KCNJ6: variants seen among roughly 807,000 people sequenced by gnomAD.
KCNJ6 encodes G protein-activated inward rectifier potassium channel 2.
Under a neutral mutation model 34.2 loss-of-function variants are expected in KCNJ6, and 9 were observed. The ratio of observed to expected loss-of-function variants is 0.26; its 90% CI spans 0.16 to 0.46. The LOEUF is 0.46. KCNJ6 is among the 20% of genes least tolerant of loss of function. The pLI is 1.00. For missense variants in KCNJ6, 236 were observed against 531.3 expected (o/e 0.44, Z 5.46); for synonymous variants, 196 against 207.1 (o/e 0.95, Z 0.46).
intron 1 of KCNJ6, among the ~76,000 whole-genome samples, chr21:37,878,217 G>A (rs2055688739): frequency 6.6e-6 from 1 of 151,850 alleles, no homozygotes; most frequent in Admixed American, 6.6e-5. Context: ...TCCTGAGCAT[G>A]GAGTTGTAAT....
At chr21:37,865,171 G>A (rs1342771058) in intron 1 of KCNJ6, among the ~76,000 whole-genome samples, 5 of 152,134 alleles carry the variant, frequency 3.3e-5, no homozygotes, top group Non-Finnish European at 5.9e-5. Flanking sequence ...AAAGCTGGAG[G>A]CCCTATTGAT....
chr21:37,881,439 T>C (rs1601515087), intron 1 of KCNJ6, among the ~76,000 whole-genome samples: 1 of 151,494 alleles, frequency 6.6e-6, no homozygotes, highest in African/African-American at 2.4e-5. Context: ...GACCTCTTGC[T>C]ATATCTTCAC....
intron 2 of KCNJ6, among the ~76,000 whole-genome samples, chr21:37,812,482 A>G (rs1458322494): frequency 3.3e-5 from 5 of 152,238 alleles, no homozygotes; most frequent in African/African-American, 1.2e-4. Context: ...ACTACACACC[A>G]AAATCTCTGA....
At chr21:37,663,203 G>A (rs1032141403) in intron 3 of KCNJ6, among the ~76,000 whole-genome samples, 1 of 152,068 alleles carries the variant, frequency 6.6e-6, no homozygotes, top group Non-Finnish European at 1.5e-5. Context: ...GTATTGAATT[G>A]TTGTAAATTT....
At chr21:37,849,045 T>A (rs546382487) in intron 1 of KCNJ6, among the ~76,000 whole-genome samples, 3 of 152,154 alleles carry the variant, frequency 2.0e-5, no homozygotes, top group Non-Finnish European at 4.4e-5. Flanking sequence ...CACAGACCTA[T>A]CAGGAAATTT....
chr21:37,666,034 A>G (rs2054512461), intron 3 of KCNJ6, among the ~76,000 whole-genome samples: 1 of 152,188 alleles, frequency 6.6e-6, no homozygotes, highest in Non-Finnish European at 1.5e-5. Context: ...TCATACCCAC[A>G]GCCACCCTGA....
chr21:37,688,444 T>C (rs981009673), intron 3 of KCNJ6, among the ~76,000 whole-genome samples: 7 of 152,224 alleles, frequency 4.6e-5, no homozygotes, highest in Non-Finnish European at 8.8e-5. Flanking sequence ...TTAATAATCA[T>C]TGAAACCTAG....
chr21:37,847,842 T>G (rs1378968057), intron 1 of KCNJ6, among the ~76,000 whole-genome samples: 1 of 151,702 alleles, frequency 6.6e-6, no homozygotes, highest in Non-Finnish European at 1.5e-5. Context: ...GAAAATGTAG[T>G]TCTAACTCAC....
At chr21:37,809,599 A>C (rs531997054) in intron 2 of KCNJ6, among the ~76,000 whole-genome samples, 80 of 152,316 alleles carry the variant, frequency 5.3e-4, no homozygotes, top group African/African-American at 1.9e-3. Context: ...TAAAAAGATG[A>C]TGTAAGTTTG....
intron 2 of KCNJ6, among the ~76,000 whole-genome samples, chr21:37,718,921 C>T (rs576697324): frequency 2.0e-5 from 3 of 152,280 alleles, no homozygotes; most frequent in African/African-American, 7.2e-5. Flanking sequence ...AAGGTGGCTC[C>T]GGTGGGTCCC....
At chr21:37,638,207 C>T (rs547482851) in intron 3 of KCNJ6, among the ~76,000 whole-genome samples, 13 of 152,288 alleles carry the variant, frequency 8.5e-5, no homozygotes, top group East Asian at 1.9e-4. Flanking sequence ...AGTGCAGTGA[C>T]GTGATCTCAG....
chr21:37,814,997 G>A (rs1205961174), intron 2 of KCNJ6, among the ~76,000 whole-genome samples: 2 of 151,496 alleles, frequency 1.3e-5, no homozygotes, highest in Non-Finnish European at 2.9e-5. Context: ...ATTATGCTAA[G>A]TGAAATAAGC....
intron 1 of KCNJ6, among the ~76,000 whole-genome samples, chr21:37,905,579 C>T (rs1455184876): frequency 6.6e-6 from 1 of 152,212 alleles, no homozygotes; most frequent in South Asian, 2.1e-4. Flanking sequence ...TCTTCCAAGA[C>T]TCCTTCACAT....
rs527652981 is a variant in KCNJ6, at chr21:37,782,359, A to G, written c.25+58299T>C. Among the ~76,000 whole-genome samples the G allele has an allele frequency of 1.0e-3, 154 of 152,348 alleles. 1 individual carries two copies. Among genetic ancestry groups the G allele is most frequent in the African/African-American group, 3.4e-3 (141 of 41,590 alleles). Reference sequence around the variant, plus strand: ...TCCACAGAATGCATGGCAGTTTGTTATAGCATCAGCAGGAAACTAATGTAC... The same window carrying G: ...TCCACAGAATGCATGGCAGTTTGTTGTAGCATCAGCAGGAAACTAATGTAC... On this transcript the variant is annotated intron_variant, in intron 2 of 3. Transcript: ENST00000609713.
chr21:37,764,950 G>A (rs1211322112), intron 2 of KCNJ6, among the ~76,000 whole-genome samples: 2 of 152,192 alleles, frequency 1.3e-5, no homozygotes, highest in African/African-American at 4.8e-5. Context: ...TTCTCAGGGG[G>A]TGAAGCAGTG....
intron 2 of KCNJ6, among the ~76,000 whole-genome samples, chr21:37,735,869 C>T (rs117357978): frequency 7.3e-4 from 111 of 152,276 alleles, no homozygotes; most frequent in African/African-American, 2.5e-3. Flanking sequence ...CACAATCAAA[C>T]GGCCTTCCTT....
At chr21:37,732,048 G>A (rs967534943) in intron 2 of KCNJ6, among the ~76,000 whole-genome samples, 1 of 152,252 alleles carries the variant, frequency 6.6e-6, no homozygotes, top group Non-Finnish European at 1.5e-5. Flanking sequence ...GGAGATGGCA[G>A]CGTGGCTGGG....
chr21:37,724,618 G>A (rs574275935), intron 2 of KCNJ6, among the ~76,000 whole-genome samples: 3 of 152,302 alleles, frequency 2.0e-5, no homozygotes, highest in East Asian at 1.9e-4. Flanking sequence ...TATGGTGGTC[G>A]AGACAGGAAG....
At chr21:37,643,461 G>A (rs1041295265) in intron 3 of KCNJ6, among the ~76,000 whole-genome samples, 2 of 152,176 alleles carry the variant, frequency 1.3e-5, no homozygotes, top group African/African-American at 4.8e-5. Flanking sequence ...GTCTGGCCCT[G>A]CCTCTACCCT....
Sources: gnomAD v4.1 joint callset for allele counts (sites outside exome capture counted in the v4.1 genomes callset) on GRCh38, gnomAD v4.1.1 for gene constraint, MANE v1.5 for transcripts, NCBI Gene and HGNC (gene_info 2026-07-23, HGNC 2026-07-21) for gene names.